Variants in TSPAN9 observed in about 807,000 individuals in gnomAD.
The protein encoded by TSPAN9 is tetraspanin 9.
In TSPAN9, 16 loss-of-function variants were observed where a neutral mutation model predicts 31.0. The ratio of observed to expected loss-of-function variants is 0.52; its 90% confidence interval spans 0.35 to 0.78. The LOEUF (loss-of-function observed/expected upper bound fraction) is 0.78. Among genes scored for constraint, TSPAN9 ranks in the 30% least tolerant of loss-of-function variants. TSPAN9 has a pLI of 0.01. For missense variants in TSPAN9, 272 were observed against 312.5 expected (o/e 0.87, Z 0.98); for synonymous variants, 145 against 121.6 (o/e 1.19, Z -1.27).
intron 2 of TSPAN9, among the ~76,000 whole-genome samples, chr12:3,174,709 A>G (rs976239838): frequency 1.3e-5 from 2 of 150,750 alleles, no homozygotes; most frequent in Non-Finnish European, 3.0e-5. Flanking sequence ...CAGCCTCCCG[A>G]GTAGCTGGGA....
intron 2 of TSPAN9, among the ~76,000 whole-genome samples, chr12:3,089,284 CAGA>C (rs1396460969): frequency 1.4e-5 from 2 of 139,716 alleles, no homozygotes; most frequent in African/African-American, 5.4e-5. Flanking sequence ...TAGATTGTAG[CAGA>C]ATTCAAGGTG....
intron 2 of TSPAN9, among the ~76,000 whole-genome samples, chr12:3,149,441 A>C (rs1283283268): frequency 6.6e-6 from 1 of 152,180 alleles, no homozygotes; most frequent in Non-Finnish European, 1.5e-5. Flanking sequence ...TGAAGTCTCT[A>C]ACAACCTTGC....
At position 3,262,929 on chromosome 12, in the gene TSPAN9, G is replaced by A. The variant is rs1015073214; in HGVS notation, c.64-15492G>A. On this transcript the variant is annotated intron_variant, in intron 3 of 8. Transcript: ENST00000011898. ...GGGACCCTGAGTAAGTCGCATCTCC[G>A]AGCCTCGGTTTCCTTAACCAGGGCC... Among the ~76,000 whole-genome samples the A allele has an allele frequency of 4.5e-4, 69 of 152,146 alleles. 1 individual carries two copies. The highest frequency in any genetic ancestry group is 1.0e-3 in the South Asian group (5 of 4,830).
At chr12:3,242,605 A>T (rs2098397143) in intron 3 of TSPAN9, among the ~76,000 whole-genome samples, 1 of 152,134 alleles carries the variant, frequency 6.6e-6, no homozygotes, top group African/African-American at 2.4e-5. Context: ...TCCTCTGCGG[A>T]GCCCAGCTGA....
rs2098337089 is a variant in TSPAN9 at position 3,146,052 on chromosome 12, C to G, written c.-17-55125C>G. 3.3e-5 allele frequency among the ~76,000 whole-genome samples: 5 copies of G among 152,236 alleles called. No homozygotes were observed. In the South Asian group the frequency reaches 1.0e-3, roughly 32 times the overall value. On this transcript the variant is annotated intron_variant, in intron 2 of 8. Transcript: ENST00000011898. ...CAGGCACAGGCACGAGGACGCTTTC[C>G]CACTTTGAGGCTGTGAGCTCCCCCG...
At chr12:3,250,836 T>C (rs1297256305) in intron 3 of TSPAN9, among the ~76,000 whole-genome samples, 1 of 152,158 alleles carries the variant, frequency 6.6e-6, no homozygotes, top group Non-Finnish European at 1.5e-5. Context: ...GCCCGGTGAA[T>C]GGCCATGATG....
intron 2 of TSPAN9, among the ~76,000 whole-genome samples, chr12:3,157,400 C>T (rs999767791): frequency 2.0e-5 from 3 of 152,176 alleles, no homozygotes; most frequent in African/African-American, 4.8e-5. Context: ...TGCACCCAGC[C>T]TGAATGTGGT....
At chr12:3,149,511 C>T (rs2098338861) in intron 2 of TSPAN9, among the ~76,000 whole-genome samples, 3 of 152,174 alleles carry the variant, frequency 2.0e-5, no homozygotes, top group African/African-American at 7.2e-5. Flanking sequence ...TTGGCCAGAC[C>T]TCAGTTTGCC....
At position 3,107,464 on chromosome 12, in the gene TSPAN9, TA is replaced by T. The variant is rs368740663; in HGVS notation, c.-18+23748del. On this transcript the variant is annotated intron_variant, in intron 2 of 8. Transcript: ENST00000011898. This position sits in a 1 kb window ranked among gnomAD's most constrained non-coding sequence, Gnocchi z 4.1. ...TTGGGCCTGGGATCTTTCTGAGCCT[TA>T]AATCTCTGGGTTTCACAGGCTGGGG... 8.9e-4 allele frequency among the ~76,000 whole-genome samples: 135 copies of T among 152,238 alleles called. 2 individuals carry two copies. In the East Asian group the frequency reaches 0.018, roughly 21 times the overall value.
chr12:3,142,323 C>A (rs779404555), intron 2 of TSPAN9, among the ~76,000 whole-genome samples: 1 of 152,302 alleles, frequency 6.6e-6, no homozygotes, highest in Admixed American at 6.5e-5. Context: ...TTTTCTCTGT[C>A]TGGGGACCCC....
At chr12:3,088,318 C>T (rs1009741422) in intron 2 of TSPAN9, among the ~76,000 whole-genome samples, 7 of 152,212 alleles carry the variant, frequency 4.6e-5, no homozygotes, top group South Asian at 2.1e-4. Context: ...TGGATTTGTT[C>T]GACCATTTTG....
At chr12:3,145,900 G>C (rs2098336988) in intron 2 of TSPAN9, among the ~76,000 whole-genome samples, 1 of 152,258 alleles carries the variant, frequency 6.6e-6, no homozygotes, top group South Asian at 2.1e-4. Flanking sequence ...CATTAGCATG[G>C]GCACAGGGGA....
At chr12:3,252,600 A>G (rs556420690) in intron 3 of TSPAN9, among the ~76,000 whole-genome samples, 3 of 152,360 alleles carry the variant, frequency 2.0e-5, no homozygotes, top group South Asian at 2.1e-4. Context: ...GACTCTTGCA[A>G]GATCCTCTTG....
chr12:3,112,631 A>T (rs1176740420), intron 2 of TSPAN9, among the ~76,000 whole-genome samples: 7 of 124,734 alleles, frequency 5.6e-5, no homozygotes, highest in African/African-American at 1.5e-4. Context: ...TGTTTCATTG[A>T]TCTTTTACAT....
intron 2 of TSPAN9, among the ~76,000 whole-genome samples, chr12:3,183,513 G>A (rs1376079336): frequency 1.3e-5 from 2 of 152,204 alleles, no homozygotes; most frequent in Non-Finnish European, 2.9e-5. Context: ...ATTAGCTGCT[G>A]CTTGGTTAGT....
chr12:3,208,733 G>A (rs740773), intron 3 of TSPAN9, among the ~76,000 whole-genome samples: 89,298 of 151,638 alleles, frequency 0.59, 26,635 homozygotes, highest in Middle Eastern at 0.7. Context: ...ACAAACGCCT[G>A]CCCACTTAGA....
At chr12:3,270,275 G>A (rs993875809) in intron 3 of TSPAN9, among the ~76,000 whole-genome samples, 2 of 152,190 alleles carry the variant, frequency 1.3e-5, no homozygotes, top group African/African-American at 4.8e-5. Context: ...ATAGATGGAG[G>A]TGCGGGAGGT....
Position 3,201,199 on chromosome 12 carries a change from C to T in TSPAN9, c.6C>T (p.Ala2=), listed in dbSNP as rs1167248738. M[A]RGCLCCLKYM... ...TAGAATTTAAGAAGTGCAACATGGC[C>T]AGGGGCTGCCTCTGCTGCTTGAAGT... The change falls in exon 3 of 9, where the codon GCC becomes GCT. Residue 2 remains alanine (A), a synonymous_variant. Transcript: ENST00000011898. 4 of 1,614,162 alleles carry T rather than the reference C, an allele frequency of 2.5e-6. No individual in the cohort carries two copies. Among genetic ancestry groups the T allele is most frequent in the Admixed American group, 1.7e-5 (1 of 60,026 alleles).
intron 2 of TSPAN9, among the ~76,000 whole-genome samples, chr12:3,146,953 G>A (rs2098337542): frequency 6.6e-6 from 1 of 152,046 alleles, no homozygotes; most frequent in Non-Finnish European, 1.5e-5. Context: ...TATCTTCTCT[G>A]AGCCTCAGTT....
Sources: gnomAD v4.1 joint callset for allele counts (sites outside exome capture counted in the v4.1 genomes callset) on GRCh38, gnomAD v4.1.1 for gene constraint, Gnocchi (gnomAD v3.1) non-coding constraint, MANE v1.5 for transcripts, NCBI Gene and HGNC (gene_info 2026-07-23, HGNC 2026-07-21) for gene names.